The following LDLRAD3 variants were observed in gnomAD, a reference collection of about 807,000 sequenced individuals.
LDLRAD3 encodes low density lipoprotein receptor class A domain containing 3.
In LDLRAD3, 20 loss-of-function variants were observed where a neutral mutation model predicts 29.4. That is an observed-to-expected ratio of 0.68 (90% CI 0.48 to 0.99). LDLRAD3 has a LOEUF of 0.99. Ranked by LOEUF, LDLRAD3 falls within the 50% of genes least tolerant of loss-of-function variation. The pLI is 0.00. For synonymous variants in LDLRAD3, 157 were observed against 192.7 expected (o/e 0.81, Z 1.53); for missense variants, 420 against 454.3 (o/e 0.92, Z 0.69).
At chr11:36,153,367 A>G (rs1003627340) in intron 4 of LDLRAD3, among the ~76,000 whole-genome samples, 6 of 152,168 alleles carry the variant, frequency 3.9e-5, no homozygotes, top group East Asian at 3.9e-4. Context: ...GTCAAGCAAG[A>G]TGAGTAAATT....
chr11:36,204,683 T>C (rs550464361), intron 4 of LDLRAD3, among the ~76,000 whole-genome samples: 150 of 152,260 alleles, frequency 9.9e-4, no homozygotes, highest in African/African-American at 3.5e-3. Context: ...GAGACAGGGT[T>C]TCACTATGTT....
At chr11:35,990,611 T>G (rs1183990027) in intron 1 of LDLRAD3, among the ~76,000 whole-genome samples, 3 of 152,060 alleles carry the variant, frequency 2.0e-5, no homozygotes, top group African/African-American at 7.2e-5. Context: ...AGATGGGGTT[T>G]TGCCATGTTG....
chr11:36,157,675 G>A (rs1319993894), intron 4 of LDLRAD3, among the ~76,000 whole-genome samples: 1 of 152,260 alleles, frequency 6.6e-6, no homozygotes, highest in East Asian at 1.9e-4. Flanking sequence ...AGTGGAGTAG[G>A]AGCCATTGGG....
intron 4 of LDLRAD3, among the ~76,000 whole-genome samples, chr11:36,224,886 T>C (rs561974416): frequency 1.3e-5 from 2 of 152,312 alleles, no homozygotes; most frequent in East Asian, 3.9e-4. Flanking sequence ...CCTTCTTAGG[T>C]GATGTTAGAC....
At chr11:35,974,777 A>T (rs1478841487) in intron 1 of LDLRAD3, among the ~76,000 whole-genome samples, 1 of 152,230 alleles carries the variant, frequency 6.6e-6, no homozygotes, top group Non-Finnish European at 1.5e-5. Context: ...GTCACCTTCC[A>T]TTTATGGATT....
At chr11:36,186,323 G>A (rs4755441) in intron 4 of LDLRAD3, among the ~76,000 whole-genome samples, 65,523 of 152,042 alleles carry the variant, frequency 0.43, 15,227 homozygotes, top group South Asian at 0.54. Flanking sequence ...AGATATCATG[G>A]TTATTATGCT....
At chr11:36,054,900 A>ATGC (rs1852589981) in intron 2 of LDLRAD3, among the ~76,000 whole-genome samples, 1 of 89,178 alleles carries the variant, frequency 1.1e-5, no homozygotes, top group Non-Finnish European at 2.2e-5. Context: ...TGGATGGATG[A>ATGC]ATGGATGGAT....
At chr11:36,179,800 C>G (rs1854730477) in intron 4 of LDLRAD3, among the ~76,000 whole-genome samples, 1 of 151,878 alleles carries the variant, frequency 6.6e-6, no homozygotes, top group Admixed American at 6.6e-5. Flanking sequence ...TGATGCCAGC[C>G]TGGGCAACAC....
intron 4 of LDLRAD3, among the ~76,000 whole-genome samples, chr11:36,195,259 T>C (rs1855015120): frequency 1.3e-5 from 2 of 149,728 alleles, no homozygotes; most frequent in African/African-American, 5.0e-5. Context: ...GAGGAAGATG[T>C]TGAGCCAGCA....
intron 4 of LDLRAD3, chr11:36,196,960 T>C (rs1416776290): frequency 2.0e-5 from 3 of 152,196 alleles, no homozygotes; most frequent in African/African-American, 7.2e-5. Flanking sequence ...TTCACTTTCA[T>C]TGGTCATTTA....
intron 1 of LDLRAD3, among the ~76,000 whole-genome samples, chr11:35,961,991 A>G (rs1009201690): frequency 6.6e-6 from 1 of 152,172 alleles, no homozygotes; most frequent in Non-Finnish European, 1.5e-5. Flanking sequence ...TAAAACCGAG[A>G]TGAGGACTCT....
intron 1 of LDLRAD3, among the ~76,000 whole-genome samples, chr11:35,956,786 G>GA (rs1363869280): frequency 6.6e-6 from 1 of 151,870 alleles, no homozygotes; most frequent in Non-Finnish European, 1.5e-5. Flanking sequence ...TCCCAGGCTG[G>GA]GTGCAGTGGT....
intron 4 of LDLRAD3, among the ~76,000 whole-genome samples, chr11:36,195,853 G>A (rs534073196): frequency 1.5e-3 from 229 of 152,220 alleles, no homozygotes; most frequent in Middle Eastern, 6.8e-3. Flanking sequence ...TTCCCCATAT[G>A]TGCATAAAAT....
intron 1 of LDLRAD3, among the ~76,000 whole-genome samples, chr11:35,982,126 A>G (rs180742673): frequency 7.1e-4 from 108 of 152,342 alleles, no homozygotes; most frequent in South Asian, 1.0e-3. Flanking sequence ...CTTAAACAAC[A>G]GAAATTTATT....
chr11:36,074,085 C>A (rs1173546175), intron 2 of LDLRAD3, among the ~76,000 whole-genome samples: 1 of 152,134 alleles, frequency 6.6e-6, no homozygotes, highest in Non-Finnish European at 1.5e-5. Flanking sequence ...AAAATGCTAG[C>A]CATGTTCTCC....
At position 36,231,487 on chromosome 11, in the gene LDLRAD3, A is replaced by T. The variant is rs1855575166; in HGVS notation, c.*2090A>T. ...CAGAAGGGCTTTATTTCTCCCTTTGATGGGGCCCCTTCTTCTTTCTGGTGC... is the reference window on the plus strand; with the variant it reads ...CAGAAGGGCTTTATTTCTCCCTTTGTTGGGGCCCCTTCTTCTTTCTGGTGC... On this transcript the variant is annotated 3_prime_UTR_variant, in exon 6 of 6. Transcript: ENST00000315571. The T allele has an allele frequency of 6.6e-6, 1 of 152,066 alleles. No individual in the cohort carries two copies. The allele number at this position is 152,066 out of a possible 1,614,324, so 9.4% of individuals were successfully genotyped here. A position where few individuals can be genotyped will look rare whatever the true frequency, so the allele number is the denominator to read the frequency against.
chr11:36,199,707 TAA>T (rs1241107570), intron 4 of LDLRAD3, among the ~76,000 whole-genome samples: 3 of 152,250 alleles, frequency 2.0e-5, no homozygotes, highest in Non-Finnish European at 4.4e-5. Flanking sequence ...CTTTGTGTCA[TAA>T]AGAGTTGTCT....
At chr11:36,198,393 T>C (rs1166587021) in intron 4 of LDLRAD3, among the ~76,000 whole-genome samples, 3 of 151,974 alleles carry the variant, frequency 2.0e-5, no homozygotes, top group African/African-American at 7.3e-5. Flanking sequence ...ACACACACAC[T>C]TTCTCATCAA....
At chr11:36,188,077 C>T (rs192603567) in intron 4 of LDLRAD3, among the ~76,000 whole-genome samples, 136 of 151,882 alleles carry the variant, frequency 9.0e-4, no homozygotes, top group Non-Finnish European at 1.8e-3. Flanking sequence ...TAGAATTAAC[C>T]CCTATTTTCT....
Sources: allele counts gnomAD v4.1 joint callset (sites outside exome capture counted in the v4.1 genomes callset), GRCh38; gene constraint gnomAD v4.1.1; transcripts MANE v1.5; gene names NCBI Gene and HGNC (gene_info 2026-07-23, HGNC 2026-07-21).